Variants in CYP4F22 observed in about 807,000 individuals in gnomAD.
CYP4F22 encodes cytochrome P450 family 4 subfamily F member 22.
Under a neutral mutation model 60.4 loss-of-function variants are expected in CYP4F22, and 37 were observed. That is an observed-to-expected ratio of 0.61 (90% CI 0.47 to 0.81). CYP4F22 has a LOEUF of 0.81. CYP4F22 is among the 30% of genes least tolerant of loss of function. The pLI is 0.00. For synonymous variants in CYP4F22, 258 were observed against 280.5 expected (o/e 0.92, Z 0.80); for missense variants, 655 against 715.0 (o/e 0.92, Z 0.96).
intron 4 of CYP4F22, among the ~76,000 whole-genome samples, chr19:15,536,023 T>G (rs1212416959): frequency 6.6e-6 from 1 of 152,100 alleles, no homozygotes; most frequent in Non-Finnish European, 1.5e-5. Context: ...GAGCACGTGG[T>G]CTTTTTAAGG....
chr19:15,528,096 T>C (rs1971302111), intron 3 of CYP4F22, among the ~76,000 whole-genome samples: 1 of 152,100 alleles, frequency 6.6e-6, no homozygotes, highest in Non-Finnish European at 1.5e-5. Context: ...TGCAGTGGCC[T>C]GACGTCCAGC....
At chr19:15,515,822 C>G (rs898090083) in intron 1 of CYP4F22, among the ~76,000 whole-genome samples, 1 of 151,906 alleles carries the variant, frequency 6.6e-6, no homozygotes, top group Admixed American at 6.5e-5. Context: ...CTCCTGGGTT[C>G]ACGCCATTCT....
At chr19:15,520,718 G>T (rs902668008) in intron 1 of CYP4F22, among the ~76,000 whole-genome samples, 3 of 151,338 alleles carry the variant, frequency 2.0e-5, no homozygotes, top group Admixed American at 6.6e-5. Context: ...CTCCCGAGTA[G>T]CGGGTACTAC....
Position 15,547,990 on chromosome 19 carries a change from AGAGAGG to A in CYP4F22, c.1137-112_1137-107del, listed in dbSNP as rs145247351. On this transcript the variant is annotated intron_variant, in intron 10 of 13. Coordinates refer to ENST00000269703, the MANE Select transcript of CYP4F22 (RefSeq NM_173483.4). The stretch of plus-strand genomic sequence containing the variant: ...CCCTGAGAGAGAGAGAGAGAGAGAG[AGAGAGG>A]GAGAGAGTGTGTGTGTGTGTGTGTG... 0.07 allele frequency: 23,381 copies of A among 332,866 alleles called. 3,348 individuals are homozygous for A. Among genetic ancestry groups the A allele is most frequent in the East Asian group, 0.13 (1,418 of 10,578 alleles). 20.6% of individuals were successfully genotyped at this position (332,866 alleles called of 1,614,324 possible). A position where few individuals can be genotyped will look rare whatever the true frequency, so the allele number is the denominator to read the frequency against.
At position 15,514,458 on chromosome 19, in the gene CYP4F22, C is replaced by T. The variant is rs183481799; in HGVS notation, c.-109+5875C>T. ...ATCCCAGCACTTTGGGAGGCCGAGG[C>T]GGGTGGATCACGAGGTCAGGAGTTC... On this transcript the variant is annotated intron_variant, in intron 1 of 13. Coordinates refer to ENST00000269703, the MANE Select transcript of CYP4F22 (RefSeq NM_173483.4). Among the ~76,000 whole-genome samples, 1,340 of 152,152 alleles carry T rather than the reference C, an allele frequency of 8.8e-3. 12 individuals carry two copies. Among genetic ancestry groups the T allele is most frequent in the Non-Finnish European group, 0.015 (1,018 of 67,984 alleles).
Position 15,529,711 on chromosome 19 carries a change from C to A in CYP4F22, c.225C>A (p.Tyr75Ter), listed in dbSNP as rs1568357670. The A allele has an allele frequency of 1.2e-6, 2 of 1,614,100 alleles. No homozygotes were observed. The highest frequency in any genetic ancestry group is 1.7e-6 in the Non-Finnish European group (2 of 1,180,016). Reference protein sequence around the residue: ...RNWLLGHLGMYLPNEAGLQDE... With the variant: ...RNWLLGHLGM ...TGCTCCTCCCTTACCTCTTGCAGTA[C>A]CTTCCAAATGAGGCGGGCCTTCAAG... The change falls in exon 4 of 14, where the codon TAC becomes TAA. Residue 75 changes from tyrosine to a stop codon, truncating the protein, a stop_gained and splice_region_variant. Coordinates refer to ENST00000269703, the MANE Select transcript of CYP4F22 (RefSeq NM_173483.4). LOFTEE classifies it high-confidence loss of function.
At chr19:15,527,808 T>C (rs2144515847) in intron 3 of CYP4F22, among the ~76,000 whole-genome samples, 2 of 152,366 alleles carry the variant, frequency 1.3e-5, no homozygotes. Context: ...AGCTCTTCTC[T>C]AATTCTCATA....
At chr19:15,513,469 A>G (rs952504135) in intron 1 of CYP4F22, among the ~76,000 whole-genome samples, 3 of 147,406 alleles carry the variant, frequency 2.0e-5, no homozygotes, top group African/African-American at 7.6e-5. Flanking sequence ...GGTTCACGCC[A>G]TTCTTCAGCC....
chr19:15,513,353 A>G (rs1009336847), intron 1 of CYP4F22, among the ~76,000 whole-genome samples: 1 of 78,684 alleles, frequency 1.3e-5, no homozygotes, highest in Non-Finnish European at 2.5e-5. Context: ...TTTTTTGTAT[A>G]TATATATATT....
At position 15,540,475 on chromosome 19, in the gene CYP4F22, A is replaced by G; in HGVS notation, c.697A>G (p.Ile233Val). The G allele has an allele frequency of 6.2e-7, 1 of 1,614,174 alleles. No homozygotes were observed. Among genetic ancestry groups the G allele is most frequent in the Non-Finnish European group, 8.5e-7 (1 of 1,180,036 alleles). Residue 233 changes from isoleucine to valine, a missense_variant, in exon 8 of 14, where the codon ATC becomes GTC. Ile to Val is a conservative substitution (Grantham distance 29). This residue lies in a region of CYP4F22 where 430 missense variants were observed against 457.1 expected (regional missense o/e 0.94). Transcript: ENST00000269703. ...GAAGATGAGTGATTATATCTCCGCT[A>G]TCATTGAACTGAGCGCTCTGTCTGT... ...QEKMSDYISAIIELSALSVRR... is the reference protein window; with the variant it reads ...QEKMSDYISAVIELSALSVRR...
At chr19:15,540,313 G>T in intron 7 of CYP4F22, 137 bp from the exon 8 acceptor site, 1 of 1,061,068 alleles carries the variant, frequency 9.4e-7, no homozygotes, top group Non-Finnish European at 1.4e-6. Context: ...ATAAATAAAT[G>T]AATTTAAAAA....
At chr19:15,536,603 A>G (rs1399933534) in intron 4 of CYP4F22, among the ~76,000 whole-genome samples, 2 of 152,166 alleles carry the variant, frequency 1.3e-5, no homozygotes, top group African/African-American at 4.8e-5. Context: ...GGTGTGATTC[A>G]GATGGCCTGA....
intron 1 of CYP4F22, among the ~76,000 whole-genome samples, chr19:15,523,183 C>T (rs985407391): frequency 6.6e-5 from 10 of 151,590 alleles, no homozygotes; most frequent in East Asian, 2.0e-4. Context: ...GGTGAAACCC[C>T]GTCTCTATTA....
rs142598949 is a variant in CYP4F22, at chr19:15,544,899, A to G, written c.1136+620A>G. The stretch of plus-strand genomic sequence containing the variant: ...AACATGGTGAAACCCCATCTCTACT[A>G]AAAATACAAAAATTAGCCAGGTACG... On this transcript the variant is annotated intron_variant, in intron 10 of 13. Transcript: ENST00000269703. 5.4e-3 allele frequency among the ~76,000 whole-genome samples: 829 copies of G among 152,214 alleles called. 7 individuals carry two copies. The highest frequency in any genetic ancestry group is 0.019 in the African/African-American group (777 of 41,534).
rs1599813348 is a variant in CYP4F22, at chr19:15,543,895, A to G, written c.940-76A>G. ...AAAAAAAAGATGGGGGCGGGGAGAT[A>G]TCTGAGTTTTGAGGAGCCCCTAGGA... is the stretch of plus-strand genomic sequence containing the variant. On this transcript the variant is annotated intron_variant, in intron 8 of 13. Coordinates refer to ENST00000269703, the MANE Select transcript of CYP4F22 (RefSeq NM_173483.4). 11 of 1,438,412 alleles carry G rather than the reference A, an allele frequency of 7.6e-6. No individual in the cohort carries two copies. The East Asian group carries it at 2.3e-4, about 30-fold the overall frequency. The allele number at this position is 1,438,412 out of a possible 1,614,324, so 89.1% of individuals were successfully genotyped here. A position where few individuals can be genotyped will look rare whatever the true frequency, so the allele number is the denominator to read the frequency against.
chr19:15,533,181 C>T (rs1012057563), intron 4 of CYP4F22, among the ~76,000 whole-genome samples: 1 of 152,100 alleles, frequency 6.6e-6, no homozygotes, highest in African/African-American at 2.4e-5. Flanking sequence ...GATAAACATG[C>T]TTTATAGAGA....
At chr19:15,524,698 GAA>G (rs201749525) in intron 2 of CYP4F22, among the ~76,000 whole-genome samples, 2,216 of 151,654 alleles carry the variant, frequency 0.015, 49 homozygotes, top group African/African-American at 0.051. Flanking sequence ...AAGAAAGAAA[GAA>G]AGAGAGAGAG....
chr19:15,549,591 G>C (rs577755436), intron 12 of CYP4F22, among the ~76,000 whole-genome samples: 11 of 152,140 alleles, frequency 7.2e-5, no homozygotes, highest in African/African-American at 2.7e-4. Flanking sequence ...ACTTTGAGAG[G>C]CTAAGGTGGG....
chr19:15,524,269 G>A (rs1369649521), intron 2 of CYP4F22, among the ~76,000 whole-genome samples: 1 of 152,128 alleles, frequency 6.6e-6, no homozygotes, highest in Non-Finnish European at 1.5e-5. Context: ...GAGACAGAAA[G>A]CAGATTAGTG....
Sources: gnomAD v4.1 joint callset for allele counts (sites outside exome capture counted in the v4.1 genomes callset) on GRCh38, gnomAD v4.1.1 for gene constraint, gnomAD v4.1.1 regional missense constraint, MANE v1.5 for transcripts, NCBI Gene and HGNC (gene_info 2026-07-23, HGNC 2026-07-21) for gene names.